The following PDILT variants were observed in gnomAD, a reference collection of about 807,000 sequenced individuals.
PDILT encodes protein disulfide isomerase like, testis expressed, also known as protein disulfide-isomerase-like protein of the testis.
In PDILT, 43 loss-of-function variants were observed where a neutral mutation model predicts 53.7. That is an observed-to-expected ratio of 0.80 (90% CI 0.63 to 1.03). The LOEUF (loss-of-function observed/expected upper bound fraction) is 1.03. Ranked by LOEUF, PDILT falls within the 50% of genes least tolerant of loss-of-function variation. PDILT has a pLI of 0.00. For synonymous variants in PDILT, 282 were observed against 274.2 expected (o/e 1.03, Z -0.28); for missense variants, 727 against 712.3 (o/e 1.02, Z -0.24).
chr16:20,372,861 C>T lies in PDILT; in HGVS notation c.859G>A (p.Glu287Lys), dbSNP rs778919842. The T allele has an allele frequency of 7.4e-6, 12 of 1,613,868 alleles. No homozygotes were observed. The highest frequency in any genetic ancestry group is 3.3e-5 in the South Asian group (3 of 91,074). ...TGCTGAATTATGATACCATATGACT[C>T]GGAGCTTTTGGAGACAAACAGCAGC... is the stretch of plus-strand genomic sequence containing the variant. ...HMLLFVSKSSESYGIIIQHYK... is the reference protein window; with the variant it reads ...HMLLFVSKSSKSYGIIIQHYK... The change falls in exon 7 of 12, where the codon GAG (glutamate) becomes AAG (lysine). Residue 287 changes from glutamate (E) to lysine (K), a missense_variant. Coordinates refer to ENST00000302451, the MANE Select transcript of PDILT (RefSeq NM_174924.2).
chr16:20,386,619 G>T (rs1016979455), intron 2 of PDILT, among the ~76,000 whole-genome samples: 1 of 152,166 alleles, frequency 6.6e-6, no homozygotes, highest in Non-Finnish European at 1.5e-5. Flanking sequence ...TTAAACTCCC[G>T]GTCAATGGAC....
chr16:20,367,050 TC>T (rs1966215576), intron 8 of PDILT, among the ~76,000 whole-genome samples: 1 of 89,068 alleles, frequency 1.1e-5, no homozygotes, highest in Admixed American at 1.2e-4. Flanking sequence ...TTTCTTTCTT[TC>T]TTTCTTTCTT....
At chr16:20,373,185 T>C (rs962732255) in intron 5 of PDILT, 63 bp from the exon 6 acceptor site, 15 of 1,310,426 alleles carry the variant, frequency 1.1e-5, no homozygotes, top group East Asian at 4.6e-5. Context: ...ACTTAATAAA[T>C]ATAAATAGCA....
intron 9 of PDILT, among the ~76,000 whole-genome samples, chr16:20,364,866 C>T (rs1015062519): frequency 9.2e-5 from 14 of 152,130 alleles, no homozygotes; most frequent in African/African-American, 2.7e-4. Flanking sequence ...CTCCTATGGG[C>T]CATTTGATAA....
At chr16:20,379,885 C>G (rs1019243555) in intron 3 of PDILT, among the ~76,000 whole-genome samples, 4 of 152,194 alleles carry the variant, frequency 2.6e-5, no homozygotes, top group African/African-American at 9.6e-5. Context: ...ATTCCCTCCT[C>G]TGAGATATCA....
chr16:20,372,904 C>T lies in PDILT; in HGVS notation c.816G>A (p.Leu272=), dbSNP rs139885325. ...NTENKDLISE[L]HIMSHMLLFV... ...ACAGCAGCATGTGACTCATGATGTG[C>T]AACTCGGAAATCAGATCCTTATTCT... Residue 272 remains leucine, a synonymous_variant, in exon 7 of 12, where the codon TTG becomes TTA. Coordinates refer to ENST00000302451, the MANE Select transcript of PDILT (RefSeq NM_174924.2). The T allele has an allele frequency of 5.6e-6, 9 of 1,614,052 alleles. No individual in the cohort carries two copies. The Admixed American group carries it at 1.5e-4, about 27-fold the overall frequency.
chr16:20,366,863 A>C (rs1274029196), intron 8 of PDILT, among the ~76,000 whole-genome samples: 1 of 151,564 alleles, frequency 6.6e-6, no homozygotes, highest in Non-Finnish European at 1.5e-5. Flanking sequence ...CCACACCTTT[A>C]TTCTCTATAA....
chr16:20,380,834 G>T (rs906719172), intron 3 of PDILT, among the ~76,000 whole-genome samples: 1 of 152,190 alleles, frequency 6.6e-6, no homozygotes, highest in African/African-American at 2.4e-5. Context: ...TTGATCTTGG[G>T]CCATCTTCTT....
intron 3 of PDILT, among the ~76,000 whole-genome samples, chr16:20,380,236 C>A (rs943929679): frequency 1.3e-5 from 2 of 152,286 alleles, no homozygotes; most frequent in Admixed American, 1.3e-4. Flanking sequence ...AAGGGCAGTG[C>A]CTTCTTCTGC....
intron 5 of PDILT, among the ~76,000 whole-genome samples, chr16:20,374,405 G>A (rs1966353165): frequency 6.6e-6 from 1 of 152,042 alleles, no homozygotes; most frequent in Non-Finnish European, 1.5e-5. Flanking sequence ...CACTGGGAGA[G>A]GACCTGGAGA....
At chr16:20,374,418 A>G (rs1966353392) in intron 5 of PDILT, among the ~76,000 whole-genome samples, 1 of 151,978 alleles carries the variant, frequency 6.6e-6, no homozygotes, top group Non-Finnish European at 1.5e-5. Context: ...CCTGGAGAGG[A>G]GATTATGACT....
Position 20,394,317 on chromosome 16 carries a change from C to T in PDILT, c.202+4782G>A, listed in dbSNP as rs1000105930. ...TGAAAGAGCTTATTCCACCAGGCTG[C>T]CTCTCAGCCTGCCCAGCTTTGAGTT... On this transcript the variant is annotated intron_variant, in intron 2 of 11. Transcript: ENST00000302451. Among the ~76,000 whole-genome samples, 3 of 152,334 alleles carry T rather than the reference C, an allele frequency of 2.0e-5. No individual in the cohort carries two copies. In the South Asian group the frequency reaches 6.2e-4, roughly 32 times the overall value.
intron 8 of PDILT, among the ~76,000 whole-genome samples, chr16:20,366,634 G>T (rs922786495): frequency 1.3e-5 from 2 of 152,056 alleles, no homozygotes; most frequent in Admixed American, 1.3e-4. Context: ...GCAACTGAAT[G>T]AACAAAAAAT....
At position 20,362,344 on chromosome 16, in the gene PDILT, T is replaced by C. The variant is rs141414427; in HGVS notation, c.1416+60A>G. ...AGCGCAGCTGGTGGTAGGGAGAAACTGAGTCCCTGATAATAACATAACATT... is the reference window on the plus strand; with the variant it reads ...AGCGCAGCTGGTGGTAGGGAGAAACCGAGTCCCTGATAATAACATAACATT... On this transcript the variant is annotated intron_variant, in intron 10 of 11. Transcript: ENST00000302451. 2,029 of 1,565,862 alleles carry C rather than the reference T, an allele frequency of 1.3e-3. 57 individuals carry two copies. The East Asian group carries it at 0.037, about 29-fold the overall frequency.
At chr16:20,400,140 C>A (rs1280170933) in intron 1 of PDILT, among the ~76,000 whole-genome samples, 2 of 151,576 alleles carry the variant, frequency 1.3e-5, no homozygotes, top group Non-Finnish European at 2.9e-5. Flanking sequence ...CACCTCACTG[C>A]GACCTCTGCA....
chr16:20,367,069 TTCTTTCTTTC>T (rs1966219085), intron 8 of PDILT, among the ~76,000 whole-genome samples: 1 of 133,454 alleles, frequency 7.5e-6, no homozygotes, highest in African/African-American at 3.0e-5. Context: ...CTTTCTTTCT[TTCTTTCTTTC>T]TTTCTTTCTT....
chr16:20,362,541 A>G lies in PDILT; in HGVS notation c.1279T>C (p.Leu427=), dbSNP rs1376073818. 2.5e-6 allele frequency: 4 copies of G among 1,614,132 alleles called. No homozygotes were observed. The highest frequency in any genetic ancestry group is 3.3e-5 in the Admixed American group (2 of 60,012). The change falls in exon 10 of 12, where the codon TTG becomes CTG. Residue 427 remains leucine (L), a synonymous_variant. Coordinates refer to ENST00000302451, the MANE Select transcript of PDILT (RefSeq NM_174924.2). ...SKKCKMLFPL[L]EELGRKYQNH... Reference sequence around the variant, plus strand: ...TGATATTTTCTGCCCAATTCCTCCAACAGTGGGAACAGCATCTTGCACTTT... The same window carrying G: ...TGATATTTTCTGCCCAATTCCTCCAGCAGTGGGAACAGCATCTTGCACTTT...
intron 9 of PDILT, among the ~76,000 whole-genome samples, chr16:20,364,075 C>G (rs1213487065): frequency 6.6e-6 from 1 of 152,194 alleles, no homozygotes; most frequent in Non-Finnish European, 1.5e-5. Context: ...TGGCAGCCCC[C>G]CTAGCACTCA....
At chr16:20,392,666 T>G (rs972999610) in intron 2 of PDILT, among the ~76,000 whole-genome samples, 1 of 152,326 alleles carries the variant, frequency 6.6e-6, no homozygotes, top group South Asian at 2.1e-4. Flanking sequence ...ATGAGATTAA[T>G]TGAGTGTCCC....
Sources: gnomAD v4.1 joint callset for allele counts (sites outside exome capture counted in the v4.1 genomes callset) on GRCh38, gnomAD v4.1.1 for gene constraint, MANE v1.5 for transcripts, NCBI Gene and HGNC (gene_info 2026-07-23, HGNC 2026-07-21) for gene names.